Variants in SEC62 observed in about 807,000 individuals in gnomAD.
SEC62 encodes SEC62 preprotein translocation factor, also known as translocation protein SEC62.
In SEC62, 10 loss-of-function variants were observed where a neutral mutation model predicts 47.5. The ratio of observed to expected loss-of-function variants is 0.21; its 90% CI spans 0.13 to 0.36. SEC62 has a LOEUF of 0.36. SEC62 is among the 10% of genes least tolerant of loss of function. The pLI, the probability that SEC62 is intolerant of heterozygous loss-of-function variation, is 1.00. For synonymous variants in SEC62, 136 were observed against 150.5 expected, an observed-to-expected ratio of 0.90 and a Z score of 0.71; for missense variants, 327 against 464.1, an observed-to-expected ratio of 0.70 and a Z score of 2.71.
chr3:169,985,630 C>A, intron 5 of SEC62, 175 bp from the exon 6 acceptor site: 1 of 468,490 alleles, frequency 2.1e-6, no homozygotes, highest in South Asian at 4.5e-5. Flanking sequence ...TTTCTAGCGC[C>A]AGAAGAACCA....
intron 6 of SEC62, among the ~76,000 whole-genome samples, chr3:169,987,914 TA>T (rs1164750753): frequency 3.5e-4 from 53 of 152,326 alleles, no homozygotes; most frequent in African/African-American, 1.2e-3. Flanking sequence ...AATATCTTAG[TA>T]TTTTTTAAAT....
chr3:169,981,304 A>G (rs1352664159), intron 3 of SEC62, among the ~76,000 whole-genome samples: 1 of 152,236 alleles, frequency 6.6e-6, no homozygotes, highest in Admixed American at 6.5e-5. Flanking sequence ...AAGTGCTCAT[A>G]GGCTGGACCT....
At position 169,993,073 on chromosome 3, in the gene SEC62, T is replaced by C. The variant is rs965749573; in HGVS notation, c.*10T>C. 5 of 1,565,148 alleles carry C rather than the reference T, an allele frequency of 3.2e-6. No individual in the cohort carries two copies. In the Admixed American group the frequency reaches 7.4e-5, roughly 23 times the overall value. On this transcript the variant is annotated 3_prime_UTR_variant, in exon 8 of 8. Coordinates refer to ENST00000337002, the MANE Select transcript of SEC62 (RefSeq NM_003262.4). The stretch of plus-strand genomic sequence containing the variant: ...ACATGAAAAATCATAATCTGACTAA[T>C]TTTGGGACTGAATGAATAAGTACAA...
At chr3:169,982,166 C>T (rs1714990289) in intron 3 of SEC62, among the ~76,000 whole-genome samples, 1 of 152,070 alleles carries the variant, frequency 6.6e-6, no homozygotes. Flanking sequence ...AAAAATCTCA[C>T]CTTAGTATAT....
rs987575261 is a variant in SEC62, at chr3:169,997,539, C to G, written c.*4476C>G. ...GGAGTGCAGTGGCGAAATCTCAGCT[C>G]ACTGCAACCTCCGCCTCCTGAGGTT... is the stretch of plus-strand genomic sequence containing the variant. On this transcript the variant is annotated 3_prime_UTR_variant, in exon 8 of 8. Transcript: ENST00000337002. The G allele has an allele frequency of 2.0e-5, 3 of 152,250 alleles. No homozygotes were observed. Among genetic ancestry groups the G allele is most frequent in the African/African-American group, 7.2e-5 (3 of 41,430 alleles). The allele number at this position is 152,250 out of a possible 1,614,324, so 9.4% of individuals were successfully genotyped here.
rs1289269863 is a variant in SEC62 at position 169,992,336 on chromosome 3, A to AT, written c.731-252dup. On this transcript the variant is annotated intron_variant, in intron 7 of 7. Coordinates refer to ENST00000337002, the MANE Select transcript of SEC62 (RefSeq NM_003262.4). The surrounding 1 kb of genome is among the most constrained non-coding windows in gnomAD (Gnocchi z 4.0). ...GTGATAGCTGCTAAACTAGTCAGGA[A>AT]TTTTTTGTTTTCAGGCATGCAGTGG... Among the ~76,000 whole-genome samples, 4 of 152,092 alleles carry AT rather than the reference A, an allele frequency of 2.6e-5. No individual in the cohort carries two copies. The highest frequency in any genetic ancestry group is 5.9e-5 in the Non-Finnish European group (4 of 68,014).
At chr3:169,988,478 G>A (rs1475127799) in intron 7 of SEC62, 119 bp downstream of exon 7, 7 of 1,076,330 alleles carry the variant, frequency 6.5e-6, no homozygotes, top group African/African-American at 1.6e-5. Context: ...GAAATATATG[G>A]TACTACTTTC....
rs1715356250 is a variant in SEC62, at chr3:169,995,642, T to G, written c.*2579T>G. 1.3e-5 allele frequency: 2 copies of G among 152,236 alleles called. No homozygotes were observed. The highest frequency in any genetic ancestry group is 1.3e-4 in the Admixed American group (2 of 15,282). The allele number at this position is 152,236 out of a possible 1,614,324, so 9.4% of individuals were successfully genotyped here. A position where few individuals can be genotyped will look rare whatever the true frequency, so the allele number is the denominator to read the frequency against. On this transcript the variant is annotated 3_prime_UTR_variant, in exon 8 of 8. Transcript: ENST00000337002. ...AAATTGAATTTTTTTTTTAAATCTA[T>G]TAGGAACTGGAAAACAGCAAGTATG...
At position 169,967,341 on chromosome 3, in the gene SEC62, A is replaced by G. The variant is rs1490482348; in HGVS notation, c.36+483A>G. On this transcript the variant is annotated intron_variant, in intron 1 of 7. Transcript: ENST00000337002. The stretch of plus-strand genomic sequence containing the variant: ...AGCAGCTGGTTCTTTGTGCGCATAG[A>G]CCGTAAGGGGGAATGATCTGGACTT... Among the ~76,000 whole-genome samples the G allele has an allele frequency of 2.0e-5, 3 of 152,046 alleles. No homozygotes were observed. The East Asian group carries it at 5.8e-4, about 29-fold the overall frequency.
chr3:169,986,529 T>C (rs1715111932), intron 6 of SEC62, among the ~76,000 whole-genome samples: 1 of 152,070 alleles, frequency 6.6e-6, no homozygotes. Flanking sequence ...AAGGATATTA[T>C]ACCTAGAATA....
At chr3:169,989,101 T>C (rs1320910035) in intron 7 of SEC62, among the ~76,000 whole-genome samples, 2 of 150,720 alleles carry the variant, frequency 1.3e-5, no homozygotes, top group Non-Finnish European at 3.0e-5. Flanking sequence ...CTTTCATAGA[T>C]TATTTGTTTA....
intron 7 of SEC62, among the ~76,000 whole-genome samples, chr3:169,990,047 TATG>T (rs762487996): frequency 1.2e-4 from 18 of 147,906 alleles, no homozygotes; most frequent in African/African-American, 4.2e-4. Flanking sequence ...ATATATATCA[TATG>T]ATATGTCATA....
Position 169,983,259 on chromosome 3 carries a change from A to T in SEC62, c.549+6A>T. The T allele has an allele frequency of 6.3e-7, 1 of 1,597,976 alleles. No individual in the cohort carries two copies. Among genetic ancestry groups the T allele is most frequent in the Non-Finnish European group, 8.5e-7 (1 of 1,169,904 alleles). On this transcript the variant is annotated splice_donor_region_variant and intron_variant, in intron 5 of 7. Coordinates refer to ENST00000337002, the MANE Select transcript of SEC62 (RefSeq NM_003262.4). Reference sequence around the variant, plus strand: ...TTTTTCTGGATGGAAATGAGGTGAGAGTAAGCCTATAACTAGAAGTTCAGT... The same window carrying T: ...TTTTTCTGGATGGAAATGAGGTGAGTGTAAGCCTATAACTAGAAGTTCAGT...
intron 4 of SEC62, 64 bp downstream of exon 4, chr3:169,982,975 C>A: frequency 6.5e-7 from 1 of 1,536,386 alleles, no homozygotes; most frequent in Admixed American, 2.3e-5. Flanking sequence ...CACTACTGGC[C>A]TATGAGCACA....
rs1482270754 is a variant in SEC62 at position 169,969,458 on chromosome 3, A to T, written c.36+2600A>T. 13 of 412,382 alleles carry T rather than the reference A, an allele frequency of 3.2e-5. No homozygotes were observed. In the East Asian group the frequency reaches 9.3e-4, roughly 30 times the overall value. The allele number at this position is 412,382 out of a possible 1,614,324, so 25.5% of individuals were successfully genotyped here. ...TGCTGCATAGTAGAAGTTGATTTAC[A>T]ATCCTGGTATCAAGAAATTTTAGAG... On this transcript the variant is annotated intron_variant, in intron 1 of 7. Coordinates refer to ENST00000337002, the MANE Select transcript of SEC62 (RefSeq NM_003262.4).
chr3:169,966,933 G>A (rs1714540785), intron 1 of SEC62, 75 bp downstream of exon 1: 2 of 1,491,532 alleles, frequency 1.3e-6, no homozygotes, highest in East Asian at 2.6e-5. Flanking sequence ...CCCCCTAAAA[G>A]GGCGAGCGAA....
intron 1 of SEC62, among the ~76,000 whole-genome samples, chr3:169,972,528 A>G (rs1192153613): frequency 1.3e-5 from 2 of 149,260 alleles, no homozygotes; most frequent in Non-Finnish European, 3.0e-5. Flanking sequence ...TGGTCTTCCT[A>G]CCTCAGCCTC....
chr3:169,987,446 T>TAA (rs1229192728), intron 6 of SEC62, among the ~76,000 whole-genome samples: 10 of 152,154 alleles, frequency 6.6e-5, no homozygotes, highest in Non-Finnish European at 1.5e-5. Flanking sequence ...ATAACTCTTT[T>TAA]ATAATAAGAG....
chr3:169,990,190 C>T (rs1200182413), intron 7 of SEC62, among the ~76,000 whole-genome samples: 2 of 151,870 alleles, frequency 1.3e-5, no homozygotes, highest in African/African-American at 2.4e-5. Context: ...TACCCTCAAA[C>T]TCCTGGGCTC....
Sources: gnomAD v4.1 joint callset for allele counts (sites outside exome capture counted in the v4.1 genomes callset) on GRCh38, gnomAD v4.1.1 for gene constraint, Gnocchi (gnomAD v3.1) non-coding constraint, MANE v1.5 for transcripts, NCBI Gene and HGNC (gene_info 2026-07-23, HGNC 2026-07-21) for gene names.